Variants in CIB2 observed in about 807,000 individuals in gnomAD.
CIB2 encodes calcium and integrin binding family member 2, also known as calcium and integrin-binding family member 2.
In CIB2, 19 loss-of-function variants were observed where a neutral mutation model predicts 23.1. The observed-to-expected ratio is 0.82, with a 90% CI of 0.57 to 1.21. The LOEUF is 1.21. Among genes scored for constraint, CIB2 ranks in the 50% most tolerant of loss-of-function variants. The pLI, the probability that CIB2 is intolerant of heterozygous loss-of-function variation, is 0.00. For synonymous variants in CIB2, 94 were observed against 91.7 expected, an observed-to-expected ratio of 1.03 and a Z score of -0.14; for missense variants, 220 against 241.5, an observed-to-expected ratio of 0.91 and a Z score of 0.59.
At chr15:78,130,413 A>G (rs2074437996) in intron 1 of CIB2, among the ~76,000 whole-genome samples, 1 of 152,118 alleles carries the variant, frequency 6.6e-6, no homozygotes, top group African/African-American at 2.4e-5. Flanking sequence ...AAGCTGAGCA[A>G]TTGGCCAGGG....
At chr15:78,109,202 C>G in intron 4 of CIB2, 33 bp downstream of exon 4, 1 of 879,096 alleles carries the variant, frequency 1.1e-6, no homozygotes, top group Non-Finnish European at 1.7e-6. Context: ...TCCCCCACCG[C>G]ATATTCAGGC....
At chr15:78,126,147 C>CA (rs954796674) in intron 1 of CIB2, among the ~76,000 whole-genome samples, 2 of 145,092 alleles carry the variant, frequency 1.4e-5, no homozygotes, top group African/African-American at 5.4e-5. Context: ...CCTGCCCCCC[C>CA]CCCTTTTTTT....
At chr15:78,129,567 C>G (rs988159989) in intron 1 of CIB2, among the ~76,000 whole-genome samples, 1 of 152,192 alleles carries the variant, frequency 6.6e-6, no homozygotes, top group Admixed American at 6.5e-5. Flanking sequence ...AGTGCTGTAT[C>G]GTTTCTGGAC....
chr15:78,125,203 C>T (rs192745386), intron 1 of CIB2, among the ~76,000 whole-genome samples: 2 of 152,334 alleles, frequency 1.3e-5, no homozygotes, highest in East Asian at 3.9e-4. Context: ...TAGCAGGCCT[C>T]AGGCACAGAC....
intron 2 of CIB2, among the ~76,000 whole-genome samples, chr15:78,119,687 C>T (rs765630019): frequency 1.3e-5 from 2 of 152,076 alleles, no homozygotes; most frequent in Non-Finnish European, 2.9e-5. Flanking sequence ...ATTCTCCTGC[C>T]TCAGCCTCCT....
At chr15:78,115,418 C>T (rs971833053) in intron 2 of CIB2, among the ~76,000 whole-genome samples, 3 of 152,078 alleles carry the variant, frequency 2.0e-5, no homozygotes, top group East Asian at 1.9e-4. Context: ...TGCGACCACA[C>T]TCGGCTGATT....
intron 4 of CIB2, among the ~76,000 whole-genome samples, chr15:78,107,825 G>C (rs1327956895): frequency 6.6e-6 from 1 of 152,344 alleles, no homozygotes; most frequent in African/African-American, 2.4e-5. Context: ...CAAGCAAAAC[G>C]TGGGTGCACA....
intron 4 of CIB2, 141 bp downstream of exon 4, chr15:78,109,094 T>C: frequency 1.0e-6 from 1 of 975,118 alleles, no homozygotes; most frequent in Non-Finnish European, 1.5e-6. Context: ...GCCACCCCAC[T>C]GGACAGGCAC....
chr15:78,116,302 A>AT (rs2074240319), intron 2 of CIB2, among the ~76,000 whole-genome samples: 1 of 151,464 alleles, frequency 6.6e-6, no homozygotes, highest in Non-Finnish European at 1.5e-5. Context: ...CTCTACAAAA[A>AT]ATATATATAT....
intron 2 of CIB2, among the ~76,000 whole-genome samples, chr15:78,121,087 T>A (rs137902681): frequency 6.6e-6 from 1 of 152,260 alleles, no homozygotes; most frequent in African/African-American, 2.4e-5. Flanking sequence ...AATTGAGCCA[T>A]CATGGCCATG....
At chr15:78,109,071 A>T (rs535219133) in intron 4 of CIB2, among the ~76,000 whole-genome samples, 164 bp downstream of exon 4, 162 of 152,182 alleles carry the variant, frequency 1.1e-3, no homozygotes, top group Non-Finnish European at 2.0e-3. Flanking sequence ...TCAGGGACTG[A>T]TCGTCTCCCT....
intron 1 of CIB2, among the ~76,000 whole-genome samples, chr15:78,126,262 C>A (rs1381688459): frequency 1.3e-5 from 2 of 151,898 alleles, no homozygotes; most frequent in Admixed American, 6.6e-5. Flanking sequence ...CCTGTCTCAG[C>A]CTTCCAAGTA....
chr15:78,123,889 C>T, intron 1 of CIB2, 150 bp from the exon 2 acceptor site: 1 of 824,864 alleles, frequency 1.2e-6, no homozygotes, highest in Non-Finnish European at 2.0e-6. Context: ...CCCTCACCCA[C>T]TGGGGACAGC....
chr15:78,117,644 A>G (rs952870245), intron 2 of CIB2, among the ~76,000 whole-genome samples: 1 of 152,252 alleles, frequency 6.6e-6, no homozygotes, highest in Non-Finnish European at 1.5e-5. Flanking sequence ...ATCTTACACT[A>G]TAAACCTGGG....
chr15:78,122,714 T>A (rs1039549359), intron 2 of CIB2, among the ~76,000 whole-genome samples: 2 of 152,246 alleles, frequency 1.3e-5, no homozygotes, highest in African/African-American at 4.8e-5. Flanking sequence ...CCAGGTCTAC[T>A]GATGCCAGGC....
intron 2 of CIB2, among the ~76,000 whole-genome samples, chr15:78,118,080 G>A (rs7162025): frequency 0.33 from 50,270 of 151,994 alleles, 8,635 homozygotes; most frequent in African/African-American, 0.43. Flanking sequence ...TTAAAATATT[G>A]TATCAGAATA....
At chr15:78,107,108 G>A (rs1417999535) in intron 4 of CIB2, among the ~76,000 whole-genome samples, 1 of 152,030 alleles carries the variant, frequency 6.6e-6, no homozygotes, top group African/African-American at 2.4e-5. Flanking sequence ...GGTGGTGGAC[G>A]CCTGTAGTCC....
intron 3 of CIB2, 147 bp from the exon 4 acceptor site, chr15:78,109,529 A>C: frequency 1.2e-6 from 1 of 818,914 alleles, no homozygotes; most frequent in East Asian, 2.6e-5. Context: ...GGGAATAATA[A>C]TAACACCTTC....
chr15:78,106,268 T>A (rs2074069507), intron 4 of CIB2, among the ~76,000 whole-genome samples: 1 of 152,216 alleles, frequency 6.6e-6, no homozygotes, highest in African/African-American at 2.4e-5. Flanking sequence ...GTGGACCCAG[T>A]GTTCCCTTTA....
Sources: allele counts gnomAD v4.1 joint callset (sites outside exome capture counted in the v4.1 genomes callset), GRCh38; gene constraint gnomAD v4.1.1; transcripts MANE v1.5; gene names NCBI Gene and HGNC (gene_info 2026-07-23, HGNC 2026-07-21).